The following GALNT17 variants were observed in gnomAD, a reference collection of about 807,000 sequenced individuals.
GALNT17 encodes polypeptide N-acetylgalactosaminyltransferase 17, also known as UDP-GalNAc:polypeptide N-acetylgalactosaminyltransferase-like 3.
In GALNT17, 29 loss-of-function variants were observed where a neutral mutation model predicts 63.7. That is an observed-to-expected ratio of 0.46 (90% CI 0.34 to 0.62). The LOEUF (loss-of-function observed/expected upper bound fraction) is 0.62. Among genes scored for constraint, GALNT17 ranks in the 20% least tolerant of loss-of-function variants. GALNT17 has a pLI of 0.01. For missense variants in GALNT17, 603 were observed against 799.6 expected (o/e 0.75, Z 2.97); for synonymous variants, 305 against 318.3 (o/e 0.96, Z 0.45).
intron 1 of GALNT17, among the ~76,000 whole-genome samples, chr7:71,169,992 G>C (rs957136335): frequency 6.6e-6 from 1 of 151,212 alleles, no homozygotes; most frequent in Non-Finnish European, 1.5e-5. Context: ...TTTTTAGATG[G>C]GGTCTTGCTA....
chr7:71,356,156 T>G (rs1222198987), intron 2 of GALNT17, among the ~76,000 whole-genome samples: 2 of 152,102 alleles, frequency 1.3e-5, no homozygotes, highest in East Asian at 3.9e-4. Context: ...TTTTGGAGTT[T>G]TAGTAGAGAT....
intron 6 of GALNT17, among the ~76,000 whole-genome samples, chr7:71,653,698 C>A (rs1300087779): frequency 1.3e-5 from 2 of 152,186 alleles, no homozygotes; most frequent in Admixed American, 6.5e-5. Context: ...TGAGCCACCA[C>A]GCCCAGCCAA....
intron 5 of GALNT17, among the ~76,000 whole-genome samples, chr7:71,431,209 CTTTTTTT>C (rs1265130879): frequency 8.7e-6 from 1 of 115,118 alleles, no homozygotes; most frequent in South Asian, 2.6e-4. Context: ...CTTTTCTTTT[CTTTTTTT>C]TTTTTTTTTT....
intron 1 of GALNT17, among the ~76,000 whole-genome samples, chr7:71,253,247 C>G (rs1383125133): frequency 6.6e-6 from 1 of 152,186 alleles, no homozygotes; most frequent in Non-Finnish European, 1.5e-5. Context: ...TTCCCCGTGG[C>G]TGGGGAGGCC....
At position 71,575,172 on chromosome 7, in the gene GALNT17, C is replaced by CTTGAATGAA. The variant is rs1402424761; in HGVS notation, c.1080+3774_1080+3782dup. Among the ~76,000 whole-genome samples, 7 of 152,232 alleles carry CTTGAATGAA rather than the reference C, an allele frequency of 4.6e-5. No homozygotes were observed. The East Asian group carries it at 1.4e-3, about 29-fold the overall frequency. On this transcript the variant is annotated intron_variant, in intron 6 of 10. Transcript: ENST00000333538. ...TTGTGCTATTTTGTACTACTTAGGG[C>CTTGAATGAA]TTGAATGAATTGCATAATAAATGCA...
chr7:71,387,939 C>A (rs186991447), intron 2 of GALNT17, among the ~76,000 whole-genome samples: 1 of 152,150 alleles, frequency 6.6e-6, no homozygotes, highest in African/African-American at 2.4e-5. Flanking sequence ...ATCTACTGAA[C>A]CCACTAAGTG....
intron 6 of GALNT17, among the ~76,000 whole-genome samples, chr7:71,575,084 C>T (rs932844725): frequency 1.3e-5 from 2 of 152,064 alleles, no homozygotes; most frequent in African/African-American, 4.8e-5. Flanking sequence ...GACAGAGCTC[C>T]GTTTTTCAAA....
chr7:71,482,537 C>T (rs1341732860), intron 5 of GALNT17, among the ~76,000 whole-genome samples: 1 of 152,182 alleles, frequency 6.6e-6, no homozygotes, highest in Non-Finnish European at 1.5e-5. Flanking sequence ...CCTAAGTGGC[C>T]TAGCCTATTA....
intron 1 of GALNT17, among the ~76,000 whole-genome samples, chr7:71,165,647 A>G (rs1269737092): frequency 1.3e-5 from 2 of 152,222 alleles, no homozygotes; most frequent in African/African-American, 2.4e-5. Context: ...ATTCAAGATG[A>G]GTTTTGGGTG....
chr7:71,413,490 C>T (rs143051879), intron 3 of GALNT17, among the ~76,000 whole-genome samples: 17 of 151,980 alleles, frequency 1.1e-4, no homozygotes, highest in East Asian at 3.9e-4. Context: ...CTCGGCCTCC[C>T]GAGTAGCTGG....
chr7:71,150,076 C>A (rs1045201004), intron 1 of GALNT17, among the ~76,000 whole-genome samples: 1 of 152,132 alleles, frequency 6.6e-6, no homozygotes, highest in African/African-American at 2.4e-5. Flanking sequence ...AGTTCTCTTG[C>A]GTCGAGAAGG....
intron 6 of GALNT17, among the ~76,000 whole-genome samples, chr7:71,613,336 C>T (rs905199802): frequency 8.5e-5 from 13 of 152,152 alleles, no homozygotes; most frequent in African/African-American, 2.9e-4. Flanking sequence ...GTCTCTTTTT[C>T]CCCCAGCATT....
At chr7:71,563,337 G>A (rs1217950497) in intron 5 of GALNT17, among the ~76,000 whole-genome samples, 1 of 152,194 alleles carries the variant, frequency 6.6e-6, no homozygotes, top group Non-Finnish European at 1.5e-5. Context: ...GGGACACCTT[G>A]GAAGGGAAGC....
rs187219053 is a variant in GALNT17 at position 71,561,463 on chromosome 7, G to C, written c.963-9822G>C. Among the ~76,000 whole-genome samples, 1,188 of 152,250 alleles carry C rather than the reference G, an allele frequency of 7.8e-3. 47 individuals are homozygous for C. Among genetic ancestry groups the C allele is most frequent in the Admixed American group, 0.073 (1,119 of 15,290 alleles). On this transcript the variant is annotated intron_variant, in intron 5 of 10. Transcript: ENST00000333538. The stretch of plus-strand genomic sequence containing the variant: ...AGGGGTGAGGATGAGTGTTTTGCAC[G>C]TGGGACCTTGGAATGAGAAAGTGCT...
chr7:71,270,272 A>G (rs536679840), intron 1 of GALNT17, among the ~76,000 whole-genome samples: 2 of 152,166 alleles, frequency 1.3e-5, no homozygotes, highest in Admixed American at 1.3e-4. Flanking sequence ...TATCTCCTCT[A>G]TCTCTCAATT....
chr7:71,258,922 G>T lies in GALNT17; in HGVS notation c.239-76628G>T, dbSNP rs142481109. 1.1e-4 allele frequency among the ~76,000 whole-genome samples: 17 copies of T among 152,300 alleles called. No homozygotes were observed. In the East Asian group the frequency reaches 3.3e-3, roughly 29 times the overall value. ...TGGGGAAGACATTTGACGCAGAAAA[G>T]ACATACAAAAGCATGGCTTGAAAGC... On this transcript the variant is annotated intron_variant, in intron 1 of 10. Transcript: ENST00000333538.
chr7:71,241,855 C>T (rs537300166), intron 1 of GALNT17, among the ~76,000 whole-genome samples: 8 of 152,250 alleles, frequency 5.3e-5, no homozygotes, highest in African/African-American at 1.9e-4. Flanking sequence ...CGCCCCTGCA[C>T]CCCTGCCTAG....
intron 8 of GALNT17, 40 bp from the exon 9 acceptor site, chr7:71,677,171 A>C (rs1297872950): frequency 3.1e-6 from 5 of 1,604,662 alleles, no homozygotes; most frequent in Non-Finnish European, 4.3e-6. Context: ...CACCTCCACT[A>C]GCTGAGCTCT....
intron 1 of GALNT17, among the ~76,000 whole-genome samples, chr7:71,295,989 T>C (rs1168568624): frequency 1.3e-5 from 2 of 152,142 alleles, no homozygotes; most frequent in Non-Finnish European, 2.9e-5. Context: ...ATTTTGCTTT[T>C]TAGTCCTGGG....
Sources: allele counts gnomAD v4.1 joint callset (sites outside exome capture counted in the v4.1 genomes callset), GRCh38; gene constraint gnomAD v4.1.1; transcripts MANE v1.5; gene names NCBI Gene and HGNC (gene_info 2026-07-23, HGNC 2026-07-21).